IMPG1: variants seen among roughly 807,000 people sequenced by gnomAD.
The protein encoded by IMPG1 is interphotoreceptor matrix proteoglycan 1.
A neutral mutation model predicts 92.0 loss-of-function variants in IMPG1; 85 were observed. The ratio of observed to expected loss-of-function variants is 0.92; its 90% confidence interval spans 0.78 to 1.11. The LOEUF (loss-of-function observed/expected upper bound fraction) is 1.11. IMPG1 is among the 50% of genes least tolerant of loss of function. The pLI is 0.00. For synonymous variants in IMPG1, 367 were observed against 334.1 expected, an observed-to-expected ratio of 1.10 and a Z score of -1.08; for missense variants, 1,022 against 956.0, an observed-to-expected ratio of 1.07 and a Z score of -0.91.
chr6:76,068,080 C>T (rs778456250), intron 1 of IMPG1, among the ~76,000 whole-genome samples: 3 of 152,260 alleles, frequency 2.0e-5, no homozygotes, highest in African/African-American at 7.2e-5. Context: ...CAGCTAACAT[C>T]GTACCGAATG....
intron 2 of IMPG1, among the ~76,000 whole-genome samples, chr6:76,040,016 G>A (rs1783807308): frequency 6.6e-6 from 1 of 152,142 alleles, no homozygotes; most frequent in Non-Finnish European, 1.5e-5. Context: ...ACAGTAAGTG[G>A]GTCTCTCTGT....
At chr6:75,923,539 T>C (rs1474864978) in intron 16 of IMPG1, 95 bp downstream of exon 16, 11 of 689,138 alleles carry the variant, frequency 1.6e-5, no homozygotes, top group Middle Eastern at 3.5e-4. Flanking sequence ...GTATCTTGCT[T>C]ATCTCTATTT....
chr6:76,036,375 T>C (rs1201179173), intron 2 of IMPG1, among the ~76,000 whole-genome samples: 1 of 152,226 alleles, frequency 6.6e-6, no homozygotes, highest in Non-Finnish European at 1.5e-5. Context: ...GTTTAGAATA[T>C]TGCATTTGCA....
intron 15 of IMPG1, among the ~76,000 whole-genome samples, chr6:75,930,544 T>G (rs1221149314): frequency 2.6e-5 from 4 of 152,254 alleles, no homozygotes; most frequent in African/African-American, 9.6e-5. Flanking sequence ...TGATGAAAGC[T>G]ATTATGTTTG....
At chr6:76,020,952 T>C (rs924559216) in intron 6 of IMPG1, among the ~76,000 whole-genome samples, 3 of 152,208 alleles carry the variant, frequency 2.0e-5, no homozygotes, top group African/African-American at 7.2e-5. Flanking sequence ...AAGTCATCCT[T>C]TGTGGGTAAA....
chr6:76,061,172 G>A (rs1237790199), intron 1 of IMPG1, among the ~76,000 whole-genome samples: 1 of 152,148 alleles, frequency 6.6e-6, no homozygotes, highest in African/African-American at 2.4e-5. Context: ...GGGCCACAAG[G>A]CAGCAAGTGT....
intron 12 of IMPG1, among the ~76,000 whole-genome samples, chr6:75,995,867 T>C (rs1409510793): frequency 1.3e-5 from 2 of 152,248 alleles, no homozygotes; most frequent in African/African-American, 2.4e-5. Flanking sequence ...CTCCTTGTAA[T>C]TGAATCCTTG....
At chr6:76,050,899 G>T (rs184489746) in intron 1 of IMPG1, among the ~76,000 whole-genome samples, 1 of 152,268 alleles carries the variant, frequency 6.6e-6, no homozygotes, top group Admixed American at 6.5e-5. Flanking sequence ...TGGTAGCATT[G>T]CTATGAAAGC....
intron 14 of IMPG1, chr6:75,934,855 C>G (rs566161669): frequency 5.2e-4 from 226 of 437,222 alleles, no homozygotes; most frequent in Non-Finnish European, 3.8e-4. Flanking sequence ...TGGCTGTGTG[C>G]TGAGTGCCTT....
At chr6:75,985,182 G>C (rs1410378364) in intron 12 of IMPG1, among the ~76,000 whole-genome samples, 1 of 152,108 alleles carries the variant, frequency 6.6e-6, no homozygotes, top group Admixed American at 6.6e-5. Context: ...TTGTGATTTT[G>C]GTCTGGAATA....
intron 12 of IMPG1, among the ~76,000 whole-genome samples, chr6:75,961,618 A>C (rs1425310965): frequency 5.9e-5 from 9 of 152,208 alleles, no homozygotes; most frequent in Non-Finnish European, 1.3e-4. Flanking sequence ...GAGGCAGAAA[A>C]GGGGATGGAA....
intron 14 of IMPG1, among the ~76,000 whole-genome samples, chr6:75,941,754 C>G (rs577469982): frequency 2.6e-4 from 40 of 152,348 alleles, no homozygotes; most frequent in African/African-American, 9.4e-4. Context: ...ATCATTCTCT[C>G]TTGTCCTCTG....
At chr6:75,926,100 C>CAGAT (rs1223697602) in intron 15 of IMPG1, among the ~76,000 whole-genome samples, 1 of 152,110 alleles carries the variant, frequency 6.6e-6, no homozygotes, top group African/African-American at 2.4e-5. Context: ...AGGGAAGGGG[C>CAGAT]AGATGCCTGG....
intron 3 of IMPG1, 71 bp from the exon 4 acceptor site, chr6:76,034,414 T>C: frequency 7.1e-7 from 1 of 1,413,618 alleles, no homozygotes; most frequent in Non-Finnish European, 1.0e-6. Flanking sequence ...AAGTCAATTT[T>C]CATTCCCTTC....
At chr6:76,057,761 T>C (rs1191041437) in intron 1 of IMPG1, among the ~76,000 whole-genome samples, 1 of 152,116 alleles carries the variant, frequency 6.6e-6, no homozygotes, top group Non-Finnish European at 1.5e-5. Context: ...GACATTATAA[T>C]GAGCTGGGCT....
intron 12 of IMPG1, among the ~76,000 whole-genome samples, chr6:75,964,549 C>T (rs909652542): frequency 7.9e-5 from 12 of 151,570 alleles, no homozygotes; most frequent in East Asian, 3.9e-4. Context: ...TGGTGGCGGG[C>T]GCCTGTAATC....
At chr6:75,990,258 C>T (rs1325315654) in intron 12 of IMPG1, among the ~76,000 whole-genome samples, 2 of 152,158 alleles carry the variant, frequency 1.3e-5, no homozygotes, top group African/African-American at 4.8e-5. Context: ...TGCTAAAACA[C>T]ATTATTTGGC....
At chr6:76,072,331 T>C (rs183436142) in intron 1 of IMPG1, 91 bp downstream of exon 1, 1 of 682,228 alleles carries the variant, frequency 1.5e-6, no homozygotes, top group Non-Finnish European at 2.5e-6. Context: ...GCCCGTGAGA[T>C]CAATTGGTAG....
At chr6:75,982,162 A>C (rs911832083) in intron 12 of IMPG1, among the ~76,000 whole-genome samples, 2 of 152,204 alleles carry the variant, frequency 1.3e-5, no homozygotes, top group Admixed American at 1.3e-4. Flanking sequence ...TGTAGGATGA[A>C]GGTGGTGGTG....
Sources: allele counts gnomAD v4.1 joint callset (sites outside exome capture counted in the v4.1 genomes callset), GRCh38; gene constraint gnomAD v4.1.1; transcripts MANE v1.5; gene names NCBI Gene and HGNC (gene_info 2026-07-23, HGNC 2026-07-21).